Variants in ROCK1 observed in about 807,000 individuals in gnomAD.
ROCK1 encodes Rho associated coiled-coil containing protein kinase 1, also known as rho-associated protein kinase 1.
Under a neutral mutation model 196.8 loss-of-function variants are expected in ROCK1, and 36 were observed. The observed-to-expected ratio is 0.18, with a 90% CI of 0.14 to 0.24. The LOEUF (loss-of-function observed/expected upper bound fraction) is 0.24. ROCK1 is among the 10% of genes least tolerant of loss of function. The pLI, the probability that ROCK1 is intolerant of heterozygous loss-of-function variation, is 1.00. For missense variants in ROCK1, 920 were observed against 1,562.0 expected, an observed-to-expected ratio of 0.59 and a Z score of 6.93; for synonymous variants, 443 against 515.9, an observed-to-expected ratio of 0.86 and a Z score of 1.91.
chr18:21,062,504 T>C (rs1201648856), intron 2 of ROCK1, among the ~76,000 whole-genome samples: 1 of 152,090 alleles, frequency 6.6e-6, no homozygotes, highest in Non-Finnish European at 1.5e-5. Flanking sequence ...AAGTATGAAA[T>C]AAATATATGC....
At chr18:20,986,156 T>C (rs1326163254) in intron 19 of ROCK1, among the ~76,000 whole-genome samples, 2 of 152,272 alleles carry the variant, frequency 1.3e-5, no homozygotes, top group Admixed American at 6.5e-5. Context: ...CCAACGTGCC[T>C]GGCCACCCAT....
chr18:21,099,275 T>C (rs2036637268), intron 1 of ROCK1, among the ~76,000 whole-genome samples: 2 of 152,146 alleles, frequency 1.3e-5, no homozygotes, highest in Non-Finnish European at 2.9e-5. Flanking sequence ...AATATAAATA[T>C]ATCTATGTAT....
intron 29 of ROCK1, 149 bp from the exon 30 acceptor site, chr18:20,955,394 A>T: frequency 1.2e-6 from 1 of 818,274 alleles, no homozygotes; most frequent in African/African-American, 1.8e-5. Context: ...AAACCACAAT[A>T]AGTGTCACTA....
intron 27 of ROCK1, 83 bp downstream of exon 27, chr18:20,966,831 CAAG>C (rs1056185886): frequency 9.5e-7 from 1 of 1,053,698 alleles, no homozygotes; most frequent in Admixed American, 2.3e-5. Context: ...GACAAAATGA[CAAG>C]GAGGTAGAAA....
chr18:21,048,966 G>C, intron 4 of ROCK1, 126 bp downstream of exon 4: 1 of 709,140 alleles, frequency 1.4e-6, no homozygotes, highest in Non-Finnish European at 2.0e-6. Context: ...AGATTTAAAA[G>C]GTAATTAGAC....
At position 21,062,101 on chromosome 18, in the gene ROCK1, G is replaced by C. The variant is rs536731417; in HGVS notation, c.175+8431C>G. ...TAGCTATGGCAGCTGAGAGGGCCTTGAAACAGTGATCACCAGTAGCAATAA... is the reference window on the plus strand; with the variant it reads ...TAGCTATGGCAGCTGAGAGGGCCTTCAAACAGTGATCACCAGTAGCAATAA... On this transcript the variant is annotated intron_variant, in intron 2 of 32. Coordinates refer to ENST00000399799, the MANE Select transcript of ROCK1 (RefSeq NM_005406.3). 2.4e-4 allele frequency among the ~76,000 whole-genome samples: 36 copies of C among 152,262 alleles called. No individual in the cohort carries two copies. The East Asian group carries it at 7.0e-3, about 29-fold the overall frequency.
rs752419004 is a variant in ROCK1 at position 21,035,829 on chromosome 18, ATAT to A, written c.1051+3640_1051+3642del. ...AAATAAACCAGCCACAAAAAGACAA[ATAT>A]TATAGTAATCTACTTAAACGAAACA... On this transcript the variant is annotated intron_variant, in intron 9 of 32. Transcript: ENST00000399799. 1.8e-3 allele frequency among the ~76,000 whole-genome samples: 268 copies of A among 152,324 alleles called. 1 individual carries two copies. The highest frequency in any genetic ancestry group is 2.0e-3 in the Non-Finnish European group (138 of 68,030).
intron 4 of ROCK1, among the ~76,000 whole-genome samples, chr18:21,048,781 C>A (rs532332905): frequency 1.2e-4 from 18 of 152,246 alleles, no homozygotes; most frequent in African/African-American, 4.1e-4. Context: ...AACCCCTGGG[C>A]TCAAGCTATC....
chr18:20,986,675 T>C (rs1222988440), intron 19 of ROCK1, among the ~76,000 whole-genome samples: 1 of 152,098 alleles, frequency 6.6e-6, no homozygotes, highest in East Asian at 1.9e-4. Context: ...TTAAAGCAGA[T>C]GGTCAGTTTT....
chr18:21,006,780 T>C lies in ROCK1; in HGVS notation c.1557A>G (p.Leu519=), dbSNP rs1238073823. ...RRNVENEVST[L]KDQLEDLKKV... ...TCTTTAAGTCTTCCAACTGATCCTT[T>C]AATGTAGAAACTAGAAAATGAAAGA... The change falls in exon 15 of 33, where the codon TTA becomes TTG. Residue 519 remains leucine (L), a synonymous_variant. Transcript: ENST00000399799. 5.7e-6 allele frequency: 9 copies of C among 1,577,730 alleles called. No homozygotes were observed. The highest frequency in any genetic ancestry group is 7.7e-6 in the Non-Finnish European group (9 of 1,161,504).
rs1229274126 is a variant in ROCK1, at chr18:20,960,181, T to C, written c.3378A>G (p.Ser1126=). The change falls in exon 28 of 33, where the codon TCA becomes TCG. Residue 1126 remains serine (S), a synonymous_variant. Coordinates refer to ENST00000399799, the MANE Select transcript of ROCK1 (RefSeq NM_005406.3). ...GTTTGATATTTCCTCTATTTGGTAC[T>C]GAAAGCCAACCTTCAATTCTTGACT... ...LPESRIEGWL[S]VPNRGNIKRY... is the part of the protein sequence containing the mutation. 1.3e-6 allele frequency: 2 copies of C among 1,599,144 alleles called. No homozygotes were observed. Among genetic ancestry groups the C allele is most frequent in the Middle Eastern group, 3.3e-4 (2 of 6,038 alleles).
intron 2 of ROCK1, among the ~76,000 whole-genome samples, chr18:21,061,909 T>C (rs1332076249): frequency 6.6e-6 from 1 of 152,190 alleles, no homozygotes; most frequent in Non-Finnish European, 1.5e-5. Flanking sequence ...TTTCTCATCA[T>C]CAGAGAAAAA....
chr18:20,990,680 C>CA (rs1192970584), intron 18 of ROCK1, among the ~76,000 whole-genome samples: 1 of 36,750 alleles, frequency 2.7e-5, no homozygotes, highest in Non-Finnish European at 5.1e-5. Context: ...GAGACAAGAG[C>CA]AAAACTTCGT....
In ROCK1 at chr18:21,085,099, G is replaced by A. The variant is rs566746699; in HGVS notation, c.94-14486C>T. ...GAGATTACCATAGGCTGGAGGGACA[G>A]GGAATAAAAGAGTTACTGTTTAATG... On this transcript the variant is annotated intron_variant, in intron 1 of 32. Coordinates refer to ENST00000399799, the MANE Select transcript of ROCK1 (RefSeq NM_005406.3). 4.8e-4 allele frequency among the ~76,000 whole-genome samples: 73 copies of A among 152,288 alleles called. No individual in the cohort carries two copies. In the South Asian group the frequency reaches 0.014, roughly 29 times the overall value.
At chr18:21,104,978 T>C (rs899034680) in intron 1 of ROCK1, among the ~76,000 whole-genome samples, 2 of 152,214 alleles carry the variant, frequency 1.3e-5, no homozygotes, top group African/African-American at 4.8e-5. Context: ...AGGTGCCAGA[T>C]AAATTACTCT....
chr18:21,000,095 A>G (rs1309433073), intron 16 of ROCK1, among the ~76,000 whole-genome samples: 1 of 152,216 alleles, frequency 6.6e-6, no homozygotes, highest in Non-Finnish European at 1.5e-5. Flanking sequence ...CTGAAGAACA[A>G]CAAACTTGGA....
chr18:20,969,267 C>A (rs2035403992), intron 23 of ROCK1, 59 bp from the exon 24 acceptor site: 2 of 1,026,622 alleles, frequency 1.9e-6, no homozygotes, highest in East Asian at 2.4e-5. Context: ...GTATTTCAGG[C>A]AGTAACCTTT....
chr18:20,980,600 A>C (rs1171470219), intron 21 of ROCK1, among the ~76,000 whole-genome samples: 1 of 152,194 alleles, frequency 6.6e-6, no homozygotes, highest in Admixed American at 6.6e-5. Flanking sequence ...CAGTACACTT[A>C]AAATGGGTAT....
chr18:21,052,822 A>T (rs1364869953), intron 2 of ROCK1, among the ~76,000 whole-genome samples: 1 of 152,108 alleles, frequency 6.6e-6, no homozygotes, highest in Non-Finnish European at 1.5e-5. Flanking sequence ...TGTCCATAGA[A>T]ACACTGTCTT....
Sources: gnomAD v4.1 joint callset for allele counts (sites outside exome capture counted in the v4.1 genomes callset) on GRCh38, gnomAD v4.1.1 for gene constraint, MANE v1.5 for transcripts, NCBI Gene and HGNC (gene_info 2026-07-23, HGNC 2026-07-21) for gene names.